Variants in NEDD4L observed in about 807,000 individuals in gnomAD.
NEDD4L encodes the protein NEDD4 like E3 ubiquitin protein ligase.
A neutral mutation model predicts 148.9 loss-of-function variants in NEDD4L; 54 were observed. The observed-to-expected ratio is 0.36, with a 90% CI of 0.29 to 0.45. The LOEUF (loss-of-function observed/expected upper bound fraction) is 0.45, where lower values mean the gene tolerates loss of function less well. NEDD4L is among the 20% of genes least tolerant of loss of function. The pLI is 1.00. For synonymous variants in NEDD4L, 433 were observed against 440.7 expected, an observed-to-expected ratio of 0.98 and a Z score of 0.22; for missense variants, 856 against 1,233.8, an observed-to-expected ratio of 0.69 and a Z score of 4.59.
At chr18:58,240,538 C>T (rs2046505600) in intron 2 of NEDD4L, among the ~76,000 whole-genome samples, 1 of 152,122 alleles carries the variant, frequency 6.6e-6, no homozygotes, top group Non-Finnish European at 1.5e-5. Context: ...GTCAAGAGGC[C>T]TGAGACCTGG....
chr18:58,179,064 C>T (rs1187001849), intron 2 of NEDD4L, among the ~76,000 whole-genome samples: 7 of 152,102 alleles, frequency 4.6e-5, no homozygotes, highest in Non-Finnish European at 7.4e-5. Flanking sequence ...GAATCACGTG[C>T]GAGTTCATTG....
At chr18:58,356,004 G>T (rs923073324) in intron 18 of NEDD4L, among the ~76,000 whole-genome samples, 2 of 152,114 alleles carry the variant, frequency 1.3e-5, no homozygotes, top group African/African-American at 4.8e-5. Context: ...AGATCGGGCT[G>T]GAGCATAGTG....
At chr18:58,312,834 C>T (rs2057855752) in intron 5 of NEDD4L, among the ~76,000 whole-genome samples, 1 of 152,212 alleles carries the variant, frequency 6.6e-6, no homozygotes, top group Admixed American at 6.5e-5. Flanking sequence ...GCATGAGCCA[C>T]CAAGCCCAGC....
chr18:58,225,888 G>A (rs2044295163), intron 2 of NEDD4L, among the ~76,000 whole-genome samples: 2 of 152,156 alleles, frequency 1.3e-5, no homozygotes, highest in South Asian at 2.1e-4. Context: ...TTACATGGGT[G>A]GATGATCTTT....
At chr18:58,118,348 C>A (rs1161771852) in intron 1 of NEDD4L, among the ~76,000 whole-genome samples, 2 of 152,226 alleles carry the variant, frequency 1.3e-5, no homozygotes, top group African/African-American at 4.8e-5. Flanking sequence ...GTGGTCTGAA[C>A]ATTTTTGAGT....
At chr18:58,178,969 A>G (rs2038500331) in intron 2 of NEDD4L, among the ~76,000 whole-genome samples, 1 of 152,146 alleles carries the variant, frequency 6.6e-6, no homozygotes, top group Admixed American at 6.5e-5. Context: ...CTAGTCTTAC[A>G]GCTTTATCGC....
At chr18:58,061,234 C>T (rs1456088715) in intron 1 of NEDD4L, among the ~76,000 whole-genome samples, 1 of 152,120 alleles carries the variant, frequency 6.6e-6, no homozygotes, top group African/African-American at 2.4e-5. Context: ...ATCAGTTTTA[C>T]GTGGTTATCT....
chr18:58,279,638 G>A (rs2052698419), intron 5 of NEDD4L, among the ~76,000 whole-genome samples: 1 of 152,194 alleles, frequency 6.6e-6, no homozygotes, highest in African/African-American at 2.4e-5. Context: ...TGTGAGATCT[G>A]GGATCTGTTT....
intron 1 of NEDD4L, 78 bp downstream of exon 1, chr18:58,044,786 C>G: frequency 6.5e-7 from 1 of 1,545,756 alleles, no homozygotes; most frequent in Middle Eastern, 1.7e-4. Context: ...GGAAAGGGGC[C>G]GTCCCCGGGG....
rs192491440 is a variant in NEDD4L at position 58,223,727 on chromosome 18, G to A, written c.123-21700G>A. Among the ~76,000 whole-genome samples, 682 of 152,266 alleles carry A rather than the reference G, an allele frequency of 4.5e-3. 2 individuals carry two copies. Among genetic ancestry groups the A allele is most frequent in the Non-Finnish European group, 8.1e-3 (553 of 68,014 alleles). On this transcript the variant is annotated intron_variant, in intron 2 of 30. Transcript: ENST00000400345. ...ATAGACGGGGCTTTCCTTTCTACAG[G>A]TGGGCTTGAAGTGAGCCTGCCACTC...
intron 6 of NEDD4L, among the ~76,000 whole-genome samples, chr18:58,320,868 A>G (rs2058711992): frequency 2.0e-5 from 3 of 152,224 alleles, no homozygotes; most frequent in African/African-American, 4.8e-5. Context: ...AAAACCAGCA[A>G]TAGTTTTCTT....
At chr18:58,221,095 C>T (rs1346233220) in intron 2 of NEDD4L, among the ~76,000 whole-genome samples, 1 of 152,124 alleles carries the variant, frequency 6.6e-6, no homozygotes, top group Middle Eastern at 3.4e-3. Context: ...TGTTTTTTTC[C>T]CCTCTTCAAG....
intron 1 of NEDD4L, among the ~76,000 whole-genome samples, chr18:58,110,330 C>T (rs1024167636): frequency 6.6e-5 from 10 of 152,166 alleles, no homozygotes; most frequent in African/African-American, 2.4e-4. Flanking sequence ...AAGAATAGAG[C>T]TTGCAATTTT....
chr18:58,365,256 CCA>C (rs1451629682), intron 20 of NEDD4L, among the ~76,000 whole-genome samples: 5 of 152,132 alleles, frequency 3.3e-5, no homozygotes, highest in Non-Finnish European at 5.9e-5. Flanking sequence ...ACTGAAAATT[CCA>C]CAGTTTTCTT....
At chr18:58,051,370 A>G (rs1260261416) in intron 1 of NEDD4L, among the ~76,000 whole-genome samples, 1 of 152,256 alleles carries the variant, frequency 6.6e-6, no homozygotes, top group African/African-American at 2.4e-5. Flanking sequence ...TATGAATTAC[A>G]TCTGAATAAA....
chr18:58,314,776 AGAAT>A (rs1405119685), intron 5 of NEDD4L, among the ~76,000 whole-genome samples: 1 of 152,234 alleles, frequency 6.6e-6, no homozygotes, highest in East Asian at 1.9e-4. Context: ...TTTATTATCC[AGAAT>A]GGATTGTTTA....
chr18:58,240,041 T>A (rs1217898021), intron 2 of NEDD4L, among the ~76,000 whole-genome samples: 1 of 152,208 alleles, frequency 6.6e-6, no homozygotes, highest in Non-Finnish European at 1.5e-5. Context: ...TGCCTGAGGA[T>A]TTCCTGCTGA....
chr18:58,300,990 A>G (rs1328240157), intron 5 of NEDD4L, among the ~76,000 whole-genome samples: 2 of 152,216 alleles, frequency 1.3e-5, no homozygotes, highest in African/African-American at 2.4e-5. Flanking sequence ...TTGTACATGT[A>G]TAAAGAATCT....
chr18:58,127,519 C>T (rs1017617731), intron 1 of NEDD4L, among the ~76,000 whole-genome samples: 1 of 151,166 alleles, frequency 6.6e-6, no homozygotes, highest in Non-Finnish European at 1.5e-5. Flanking sequence ...GCCTGGGCAA[C>T]ATGGCGAAAC....
Sources: gnomAD v4.1 joint callset for allele counts (sites outside exome capture counted in the v4.1 genomes callset) on GRCh38, gnomAD v4.1.1 for gene constraint, MANE v1.5 for transcripts, NCBI Gene and HGNC (gene_info 2026-07-23, HGNC 2026-07-21) for gene names.